DFFB: variants seen among roughly 807,000 people sequenced by gnomAD.
DFFB encodes DNA fragmentation factor 40 kDa subunit.
In DFFB, 29 loss-of-function variants were observed where a neutral mutation model predicts 32.7. The observed-to-expected ratio is 0.89, with a 90% CI of 0.66 to 1.21. The LOEUF (loss-of-function observed/expected upper bound fraction) is 1.21, where lower values mean the gene tolerates loss of function less well. DFFB is among the 50% of genes most tolerant of loss of function. DFFB has a pLI of 0.00. For synonymous variants in DFFB, 170 were observed against 177.1 expected (o/e 0.96, Z 0.32); for missense variants, 398 against 440.6 (o/e 0.90, Z 0.87).
chr1:3,878,417 G>A (rs951025237), intron 6 of DFFB, among the ~76,000 whole-genome samples: 11 of 152,214 alleles, frequency 7.2e-5, no homozygotes, highest in African/African-American at 2.7e-4. Flanking sequence ...CTCCCAAAGC[G>A]CTGGGGTTAC....
intron 5 of DFFB, among the ~76,000 whole-genome samples, chr1:3,870,166 G>A (rs1306238325): frequency 6.6e-6 from 1 of 152,242 alleles, no homozygotes; most frequent in Non-Finnish European, 1.5e-5. Flanking sequence ...GCCTTCCCAG[G>A]TGTCCCTGCT....
intron 6 of DFFB, among the ~76,000 whole-genome samples, chr1:3,882,510 A>T (rs1645360764): frequency 6.6e-6 from 1 of 151,834 alleles, no homozygotes; most frequent in African/African-American, 2.4e-5. Flanking sequence ...GATTACAGGC[A>T]TGCATCACCA....
intron 3 of DFFB, among the ~76,000 whole-genome samples, chr1:3,867,503 A>G (rs1645008471): frequency 6.6e-6 from 1 of 152,232 alleles, no homozygotes; most frequent in Non-Finnish European, 1.5e-5. Flanking sequence ...AGATGCTTCT[A>G]ACAACAAAAA....
intron 4 of DFFB, among the ~76,000 whole-genome samples, chr1:3,868,814 G>A (rs1204065731): frequency 6.6e-6 from 1 of 152,212 alleles, no homozygotes; most frequent in Non-Finnish European, 1.5e-5. Context: ...GCCCTGCGTG[G>A]TCGGCCCCCA....
At chr1:3,858,527 G>C (rs1452737399) in intron 1 of DFFB, among the ~76,000 whole-genome samples, 191 bp from the exon 2 acceptor site, 2 of 152,234 alleles carry the variant, frequency 1.3e-5, no homozygotes, top group East Asian at 3.9e-4. Flanking sequence ...ATTTTAGAAC[G>C]GCCCGCAGTC....
chr1:3,867,097 T>G (rs552040687), intron 3 of DFFB, among the ~76,000 whole-genome samples: 1 of 152,186 alleles, frequency 6.6e-6, no homozygotes, highest in African/African-American at 2.4e-5. Flanking sequence ...GGAGTTTCAC[T>G]GTGTTAGCCA....
intron 6 of DFFB, among the ~76,000 whole-genome samples, chr1:3,879,392 A>G (rs1008613789): frequency 6.6e-6 from 1 of 152,108 alleles, no homozygotes; most frequent in Non-Finnish European, 1.5e-5. Flanking sequence ...GGACTCCATC[A>G]TGTTCCCCAA....
Position 3,868,000 on chromosome 1 carries a change from T to C in DFFB, c.457T>C (p.Ser153Pro). The C allele has an allele frequency of 6.2e-7, 1 of 1,614,122 alleles. No homozygotes were observed. Among genetic ancestry groups the C allele is most frequent in the Non-Finnish European group, 8.5e-7 (1 of 1,180,008 alleles). The change falls in exon 4 of 7, where the codon TCT becomes CCT. Residue 153 changes from serine (S) to proline (P), a missense_variant. Coordinates refer to ENST00000378209, the MANE Select transcript of DFFB (RefSeq NM_004402.4). ...CTTGGAGTCCCGATTTCAGAGCAAG[T>C]CTGGCTATCTGAGATACAGCTGTGA... ...EGLESRFQSK[S>P]GYLRYSCESR...
At chr1:3,864,123 C>T (rs1644929665) in intron 2 of DFFB, among the ~76,000 whole-genome samples, 1 of 151,924 alleles carries the variant, frequency 6.6e-6, no homozygotes, top group Non-Finnish European at 1.5e-5. Flanking sequence ...TGCACCACTG[C>T]GCCCAGCTAA....
chr1:3,858,945 T>G, intron 2 of DFFB, 101 bp downstream of exon 2: 1 of 1,502,976 alleles, frequency 6.7e-7, no homozygotes, highest in Non-Finnish European at 8.9e-7. Context: ...GAGTCCCCCT[T>G]ACTGTGAACT....
intron 2 of DFFB, among the ~76,000 whole-genome samples, chr1:3,859,171 G>C (rs1258033832): frequency 6.6e-6 from 1 of 152,192 alleles, no homozygotes; most frequent in South Asian, 2.1e-4. Context: ...CAGTTTCATG[G>C]GGAAGGTGGA....
chr1:3,870,744 G>C (rs566552970), intron 5 of DFFB, among the ~76,000 whole-genome samples: 2 of 152,304 alleles, frequency 1.3e-5, no homozygotes, highest in Admixed American at 6.5e-5. Context: ...CCAGGGAGGG[G>C]GTGGGGCCTT....
At chr1:3,879,542 C>T (rs868704307) in intron 6 of DFFB, among the ~76,000 whole-genome samples, 1 of 152,166 alleles carries the variant, frequency 6.6e-6, no homozygotes, top group Non-Finnish European at 1.5e-5. Flanking sequence ...GCTCACTCTC[C>T]CTCTGTCTCT....
intron 4 of DFFB, among the ~76,000 whole-genome samples, chr1:3,868,431 G>A (rs925047962): frequency 1.3e-5 from 2 of 152,102 alleles, no homozygotes; most frequent in Non-Finnish European, 2.9e-5. Context: ...AGGTCAGCAG[G>A]TGCTACAGGG....
chr1:3,874,129 C>T (rs1358596983), intron 6 of DFFB, among the ~76,000 whole-genome samples: 2 of 151,560 alleles, frequency 1.3e-5, no homozygotes, highest in Non-Finnish European at 2.9e-5. Context: ...AGCCGTGTAG[C>T]TGCACCTTTA....
Position 3,869,132 on chromosome 1 carries a change from T to G in DFFB, c.511-473T>G, listed in dbSNP as rs570835286. Among the ~76,000 whole-genome samples, 10 of 152,320 alleles carry G rather than the reference T, an allele frequency of 6.6e-5. No homozygotes were observed. The East Asian group carries it at 1.9e-3, about 29-fold the overall frequency. On this transcript the variant is annotated intron_variant, in intron 4 of 6. Transcript: ENST00000378209. The stretch of plus-strand genomic sequence containing the variant: ...TGGAGTACAGTGGTGCAATCTCAGC[T>G]CACTGCAACCTCTGCCTTCCAGGTT...
intron 5 of DFFB, 31 bp downstream of exon 5, chr1:3,869,806 C>T (rs202084499): frequency 3.2e-6 from 5 of 1,559,976 alleles, no homozygotes; most frequent in African/African-American, 1.4e-5. Flanking sequence ...CCTGGGGCCA[C>T]CCGGCTGGCC....
Position 3,869,632 on chromosome 1 carries a change from G to T in DFFB, c.538G>T (p.Ala180Ser). Residue 180 changes from alanine to serine, a missense_variant, in exon 5 of 7, where the codon GCG (alanine) becomes TCG (serine). Physicochemically the swap from Ala to Ser is moderately conservative, Grantham distance 99. Transcript: ENST00000378209. ...EVSSYPSTVG[A>S]EAQEEFLRVL... ...GAGCTCCTACCCCTCCACGGTGGGT[G>T]CGGAGGCTCAGGAGGAATTCCTGCG... The T allele has an allele frequency of 6.2e-7, 1 of 1,613,332 alleles. No homozygotes were observed. The highest frequency in any genetic ancestry group is 8.5e-7 in the Non-Finnish European group (1 of 1,179,784).
intron 6 of DFFB, among the ~76,000 whole-genome samples, chr1:3,875,922 A>G (rs12753769): frequency 0.17 from 26,324 of 152,062 alleles, 2,323 homozygotes; most frequent in African/African-American, 0.23. Context: ...GACTACAGGT[A>G]TGCACCACCA....
Sources: allele counts gnomAD v4.1 joint callset (sites outside exome capture counted in the v4.1 genomes callset), GRCh38; gene constraint gnomAD v4.1.1; transcripts MANE v1.5; gene names NCBI Gene and HGNC (gene_info 2026-07-23, HGNC 2026-07-21).